The following MAGI1 variants were observed in gnomAD, a reference collection of about 807,000 sequenced individuals.
The protein encoded by MAGI1 is membrane associated guanylate kinase, WW and PDZ domain containing 1, also known as membrane-associated guanylate kinase, WW and PDZ domain-containing protein 1.
Under a neutral mutation model 139.9 loss-of-function variants are expected in MAGI1, and 58 were observed. The ratio of observed to expected loss-of-function variants is 0.41; its 90% CI spans 0.34 to 0.52. The LOEUF is 0.52. Among genes scored for constraint, MAGI1 ranks in the 20% least tolerant of loss-of-function variants. The probability of loss-of-function intolerance (pLI) is 0.12; values close to 1 mark genes in which losing one functional copy is unlikely to be tolerated. For missense variants in MAGI1, 1,874 were observed against 1,901.6 expected, an observed-to-expected ratio of 0.99 and a Z score of 0.27; for synonymous variants, 812 against 737.9, an observed-to-expected ratio of 1.10 and a Z score of -1.63.
intron 1 of MAGI1, among the ~76,000 whole-genome samples, chr3:65,866,890 G>A (rs1289331884): frequency 1.3e-5 from 2 of 152,192 alleles, no homozygotes; most frequent in Non-Finnish European, 2.9e-5. Context: ...CATCACACAA[G>A]AGTGGATGGT....
At chr3:65,641,555 T>TAGAG (rs1365910124) in intron 1 of MAGI1, among the ~76,000 whole-genome samples, 1 of 152,214 alleles carries the variant, frequency 6.6e-6, no homozygotes, top group Non-Finnish European at 1.5e-5. Flanking sequence ...CTTCTGTTGA[T>TAGAG]AGAGCATCCT....
rs944644656 is a variant in MAGI1, at chr3:65,925,881, T to C, written c.313+112115A>G. Among the ~76,000 whole-genome samples the C allele has an allele frequency of 2.0e-5, 3 of 152,302 alleles. No homozygotes were observed. In the South Asian group the frequency reaches 6.2e-4, roughly 32 times the overall value. On this transcript the variant is annotated intron_variant, in intron 1 of 22. Coordinates refer to ENST00000402939, the MANE Select transcript of MAGI1 (RefSeq NM_001033057.2). ...TTTTTGTAGAGACAGTTTCACCATA[T>C]TGCCCAGGCTGGTCTTGAACTCCTA...
At chr3:65,936,496 G>T (rs1305260202) in intron 1 of MAGI1, among the ~76,000 whole-genome samples, 2 of 151,752 alleles carry the variant, frequency 1.3e-5, no homozygotes, top group Admixed American at 1.3e-4. Context: ...AAATTAGCTG[G>T]GTGTGGCTGG....
intron 2 of MAGI1, among the ~76,000 whole-genome samples, chr3:65,537,782 C>A (rs1197936516): frequency 6.6e-6 from 1 of 152,190 alleles, no homozygotes; most frequent in South Asian, 2.1e-4. Context: ...CCCCAACCCC[C>A]TGAAAATTAC....
chr3:65,614,859 AACAGAAATAAAAAAG>A (rs948713284), intron 2 of MAGI1, among the ~76,000 whole-genome samples: 5 of 151,956 alleles, frequency 3.3e-5, no homozygotes, highest in African/African-American at 1.2e-4. Flanking sequence ...TAAGATCAAA[AACAGAAATAAAAAAG>A]ACCCAGGCAT....
At chr3:65,981,342 T>C (rs2107274331) in intron 1 of MAGI1, among the ~76,000 whole-genome samples, 1 of 152,280 alleles carries the variant, frequency 6.6e-6, no homozygotes, top group African/African-American at 2.4e-5. Context: ...GTGAACCTTT[T>C]GGCTCCCACT....
intron 1 of MAGI1, among the ~76,000 whole-genome samples, chr3:65,991,288 TAAAAAAAAAAAAAAAAGGTAAAAA>T (rs2066157970): frequency 1.2e-5 from 1 of 85,988 alleles, no homozygotes; most frequent in Non-Finnish European, 2.3e-5. Context: ...AGACTCTGTC[TAAAAAAAAAAAAAAAAGGTAAAAA>T]AAAAAAAAAA....
At chr3:65,549,272 T>G in intron 2 of MAGI1, 72 of 308,940 alleles carry the variant, frequency 2.3e-4, no homozygotes, top group Non-Finnish European at 3.3e-4. Context: ...CTTCCTCGCC[T>G]TCTCCTTCCT....
intron 1 of MAGI1, among the ~76,000 whole-genome samples, chr3:65,791,700 C>T (rs896610847): frequency 8.5e-5 from 13 of 152,082 alleles, no homozygotes; most frequent in African/African-American, 3.1e-4. Flanking sequence ...TTATTGGTAG[C>T]TTATGGGTAG....
At chr3:65,431,471 A>AT (rs1483914696) in intron 10 of MAGI1, among the ~76,000 whole-genome samples, 1 of 152,126 alleles carries the variant, frequency 6.6e-6, no homozygotes, top group East Asian at 1.9e-4. Flanking sequence ...AATTCAACTG[A>AT]TTTTTTCCTA....
At chr3:65,632,003 C>A (rs2084342527) in intron 1 of MAGI1, among the ~76,000 whole-genome samples, 1 of 144,916 alleles carries the variant, frequency 6.9e-6, no homozygotes, top group African/African-American at 2.6e-5. Context: ...CCAGCCGGGG[C>A]AACAGAATGA....
chr3:65,950,059 C>CAAAAAAAAA, intron 1 of MAGI1, among the ~76,000 whole-genome samples: 1 of 13,462 alleles, frequency 7.4e-5, no homozygotes, highest in Non-Finnish European at 1.4e-4. Context: ...AAAAAAAAAA[C>CAAAAAAAAA]AAAAAAACAA....
At chr3:65,799,105 T>C (rs963438843) in intron 1 of MAGI1, among the ~76,000 whole-genome samples, 2 of 152,082 alleles carry the variant, frequency 1.3e-5, no homozygotes, top group African/African-American at 2.4e-5. Context: ...AAATTCTCGA[T>C]TTAATAAGCA....
intron 1 of MAGI1, among the ~76,000 whole-genome samples, chr3:65,657,931 T>C (rs985370109): frequency 1.2e-4 from 18 of 152,320 alleles, no homozygotes; most frequent in African/African-American, 3.8e-4. Flanking sequence ...CAATACCTTC[T>C]TTAGAAGGTC....
At chr3:65,638,597 ATTTTTTTTTTT>A (rs1173086138) in intron 1 of MAGI1, among the ~76,000 whole-genome samples, 1,150 of 41,038 alleles carry the variant, frequency 0.028, 40 homozygotes, top group African/African-American at 0.09. Context: ...TGCTCTCCTG[ATTTTTTTTTTT>A]TTTTTTTTTT....
At chr3:65,530,032 G>A (rs971594525) in intron 2 of MAGI1, among the ~76,000 whole-genome samples, 7 of 152,016 alleles carry the variant, frequency 4.6e-5, no homozygotes, top group African/African-American at 1.7e-4. Context: ...ATATGTGTGA[G>A]AGTGCCTAGC....
chr3:65,796,071 G>C (rs796818892), intron 1 of MAGI1, among the ~76,000 whole-genome samples: 1 of 132,888 alleles, frequency 7.5e-6, no homozygotes, highest in Admixed American at 7.5e-5. Flanking sequence ...AAAAAAAAAA[G>C]AAAAGAAAAG....
intron 12 of MAGI1, among the ~76,000 whole-genome samples, chr3:65,419,291 G>GTT (rs770337362): frequency 1.3e-5 from 2 of 148,614 alleles, no homozygotes; most frequent in African/African-American, 5.0e-5. Context: ...TTTATGAAAT[G>GTT]TGTGTGTGTG....
At chr3:65,897,865 A>G (rs542496251) in intron 1 of MAGI1, among the ~76,000 whole-genome samples, 2 of 144,528 alleles carry the variant, frequency 1.4e-5, no homozygotes, top group Middle Eastern at 3.6e-3. Flanking sequence ...CCTGTCCAAA[A>G]AAAATAAAAA....
Sources: gnomAD v4.1 joint callset for allele counts (sites outside exome capture counted in the v4.1 genomes callset) on GRCh38, gnomAD v4.1.1 for gene constraint, MANE v1.5 for transcripts, NCBI Gene and HGNC (gene_info 2026-07-23, HGNC 2026-07-21) for gene names.